TSHZ1: variants seen among roughly 807,000 people sequenced by gnomAD.
TSHZ1 encodes teashirt homolog 1.
Under a neutral mutation model 67.1 loss-of-function variants are expected in TSHZ1, and 12 were observed. The observed-to-expected ratio is 0.18, with a 90% CI of 0.11 to 0.29. The LOEUF is 0.29. Among genes scored for constraint, TSHZ1 ranks in the 10% least tolerant of loss-of-function variants. The probability of loss-of-function intolerance (pLI) is 1.00; values close to 1 mark genes in which losing one functional copy is unlikely to be tolerated. For synonymous variants in TSHZ1, 632 were observed against 622.4 expected, an observed-to-expected ratio of 1.02 and a Z score of -0.23; for missense variants, 1,305 against 1,413.9, an observed-to-expected ratio of 0.92 and a Z score of 1.23.
chr18:75,258,997 T>C (rs2122578362), intron 1 of TSHZ1, among the ~76,000 whole-genome samples: 1 of 152,318 alleles, frequency 6.6e-6, no homozygotes, highest in African/African-American at 2.4e-5. Flanking sequence ...AGGTCACTCA[T>C]CTTTTGCCCT....
intron 1 of TSHZ1, among the ~76,000 whole-genome samples, chr18:75,279,809 C>G (rs369212927): frequency 6.6e-6 from 1 of 152,238 alleles, no homozygotes; most frequent in Non-Finnish European, 1.5e-5. Flanking sequence ...ATTCTCCGTG[C>G]TCCCCAGTTC....
chr18:75,222,455 A>G (rs1412548567), intron 1 of TSHZ1, among the ~76,000 whole-genome samples: 1 of 152,092 alleles, frequency 6.6e-6, no homozygotes, highest in African/African-American at 2.4e-5. Context: ...ATGTTCACAA[A>G]AGATCGTTGT....
At chr18:75,212,477 CTGAT>C (rs1411600448) in intron 1 of TSHZ1, among the ~76,000 whole-genome samples, 4 of 152,036 alleles carry the variant, frequency 2.6e-5, no homozygotes, top group Admixed American at 6.5e-5. Context: ...AGTGCAGACT[CTGAT>C]TGAACAGAAA....
intron 1 of TSHZ1, chr18:75,244,520 TG>T (rs1282739503): frequency 6.6e-6 from 1 of 152,288 alleles, no homozygotes; most frequent in African/African-American, 2.4e-5. Flanking sequence ...CAGTGGCCCC[TG>T]TTGGCTGGTG....
At chr18:75,229,940 A>G (rs2122532495) in intron 1 of TSHZ1, among the ~76,000 whole-genome samples, 1 of 152,354 alleles carries the variant, frequency 6.6e-6, no homozygotes, top group South Asian at 2.1e-4. Context: ...TCTGTTCATC[A>G]TTATACATCT....
chr18:75,260,186 G>A (rs755628054), intron 1 of TSHZ1, among the ~76,000 whole-genome samples: 5 of 152,208 alleles, frequency 3.3e-5, no homozygotes, highest in Admixed American at 1.3e-4. Context: ...CTTAGCCTGC[G>A]GCTTCTCGTG....
At chr18:75,282,309 G>A (rs1037861487) in intron 1 of TSHZ1, among the ~76,000 whole-genome samples, 6 of 152,292 alleles carry the variant, frequency 3.9e-5, no homozygotes, top group Non-Finnish European at 8.8e-5. Context: ...GCCCTGAGAC[G>A]CAGCCCTGAC....
chr18:75,243,841 C>G (rs929469615), intron 1 of TSHZ1, among the ~76,000 whole-genome samples: 1 of 152,038 alleles, frequency 6.6e-6, no homozygotes, highest in African/African-American at 2.4e-5. Context: ...TGCCTTTCCT[C>G]AACATTATTA....
intron 1 of TSHZ1, among the ~76,000 whole-genome samples, chr18:75,223,414 GCCT>G (rs1346713311): frequency 6.6e-6 from 1 of 152,136 alleles, no homozygotes; most frequent in East Asian, 1.9e-4. Context: ...TCTGCAGGCA[GCCT>G]CCTCATTGAT....
intron 1 of TSHZ1, among the ~76,000 whole-genome samples, chr18:75,249,764 A>G (rs1275792299): frequency 9.1e-6 from 1 of 110,074 alleles, no homozygotes; most frequent in African/African-American, 3.6e-5. Flanking sequence ...AGGTGGGGGG[A>G]GGTTACTTCC....
intron 1 of TSHZ1, among the ~76,000 whole-genome samples, chr18:75,233,840 G>A (rs1043987785): frequency 6.6e-6 from 1 of 152,166 alleles, no homozygotes; most frequent in African/African-American, 2.4e-5. Context: ...CGCACGCCCG[G>A]CTTGCACACT....
intron 1 of TSHZ1, chr18:75,280,641 T>C: frequency 1.5e-6 from 1 of 677,400 alleles, no homozygotes; most frequent in Non-Finnish European, 1.8e-6. Flanking sequence ...TCGGTCAACT[T>C]CCCCAAGACT....
In TSHZ1 at chr18:75,287,226, G is replaced by A. The variant is rs1197309297; in HGVS notation, c.1819G>A (p.Gly607Ser). 6.2e-7 allele frequency: 1 copy of A among 1,613,902 alleles called. No homozygotes were observed. The highest frequency in any genetic ancestry group is 1.1e-5 in the South Asian group (1 of 91,062). Residue 607 changes from glycine (G) to serine (S), a missense_variant, in exon 2 of 2, where the codon GGC becomes AGC. By Grantham distance (56) the Gly-to-Ser change is moderately conservative. This residue lies in a region of TSHZ1 where 909 missense variants were observed against 961.8 expected (regional missense o/e 0.95). Coordinates refer to ENST00000580243, the MANE Select transcript of TSHZ1 (RefSeq NM_001308210.2). This position sits in a 1 kb window ranked among gnomAD's most constrained non-coding sequence, Gnocchi z 5.0. The stretch of plus-strand genomic sequence containing the variant: ...CGTGCAGGTGCAGCCGTCCTATGCT[G>A]GCGGCGTGAAGTCGCTGTCTTCCGC... ...QSVQVQPSYA[G>S]GVKSLSSAEH... is the part of the protein sequence containing the mutation.
Position 75,259,475 on chromosome 18 carries a change from C to T in TSHZ1, c.41-25973C>T, listed in dbSNP as rs943231492. On this transcript the variant is annotated intron_variant, in intron 1 of 1. Coordinates refer to ENST00000580243, the MANE Select transcript of TSHZ1 (RefSeq NM_001308210.2). ...ACGGTCCCTCCTAGGACACAAATCA[C>T]CCCTTTGCCCGGCATATCCAGACTG... Among the ~76,000 whole-genome samples, 6 of 152,136 alleles carry T rather than the reference C, an allele frequency of 3.9e-5. 1 individual carries two copies. Among genetic ancestry groups the T allele is most frequent in the Admixed American group, 3.9e-4 (6 of 15,280 alleles).
Position 75,288,451 on chromosome 18 carries a change from C to T in TSHZ1, c.3044C>T (p.Ser1015Leu), listed in dbSNP as rs535727349. The T allele has an allele frequency of 6.2e-6, 10 of 1,614,194 alleles. No homozygotes were observed. The highest frequency in any genetic ancestry group is 4.5e-5 in the East Asian group (2 of 44,876). ...LNQIQEQQNV[S>L]KVLTNKTLGP... Reference sequence around the variant, plus strand: ...CAGATTCAAGAACAGCAGAATGTTTCGAAAGTCCTCACCAACAAAACTCTG... The same window carrying T: ...CAGATTCAAGAACAGCAGAATGTTTTGAAAGTCCTCACCAACAAAACTCTG... Residue 1015 changes from serine to leucine, a missense_variant, in exon 2 of 2, where the codon TCG becomes TTG. Physicochemically the swap from Ser to Leu is moderately radical, Grantham distance 145 (BLOSUM62 -2). This residue lies in a region of TSHZ1 where 909 missense variants were observed against 961.8 expected (regional missense o/e 0.95). Coordinates refer to ENST00000580243, the MANE Select transcript of TSHZ1 (RefSeq NM_001308210.2). This position sits in a 1 kb window ranked among gnomAD's most constrained non-coding sequence, Gnocchi z 4.9.
chr18:75,233,684 G>A (rs2023028562), intron 1 of TSHZ1, among the ~76,000 whole-genome samples: 1 of 152,210 alleles, frequency 6.6e-6, no homozygotes, highest in Admixed American at 6.5e-5. Context: ...GAAACTACCT[G>A]TTTGCTGGTC....
At chr18:75,277,914 C>T (rs957730787) in intron 1 of TSHZ1, among the ~76,000 whole-genome samples, 3 of 152,150 alleles carry the variant, frequency 2.0e-5, no homozygotes, top group Non-Finnish European at 2.9e-5. Flanking sequence ...AGTGGGGAAA[C>T]CGAGGTCCCA....
rs1461765254 is a variant in TSHZ1 at position 75,281,535 on chromosome 18, G to T, written c.41-3913G>T. Among the ~76,000 whole-genome samples, 1 of 152,146 alleles carries T rather than the reference G, an allele frequency of 6.6e-6. No individual in the cohort carries two copies. Among genetic ancestry groups the T allele is most frequent in the African/African-American group, 2.4e-5 (1 of 41,424 alleles). The stretch of plus-strand genomic sequence containing the variant: ...AAGCACCATGGGGGTGGCATGACAG[G>T]CGTCCTCCCTGATGGGCCTGTGTCT... On this transcript the variant is annotated intron_variant, in intron 1 of 1. Transcript: ENST00000580243. This position sits in a 1 kb window ranked among gnomAD's most constrained non-coding sequence, Gnocchi z 5.3.
chr18:75,234,727 C>T (rs1394470322), intron 1 of TSHZ1, among the ~76,000 whole-genome samples: 1 of 152,074 alleles, frequency 6.6e-6, no homozygotes, highest in East Asian at 1.9e-4. Flanking sequence ...ATTAACTTTC[C>T]TGTTAAATAT....
Sources: allele counts gnomAD v4.1 joint callset (sites outside exome capture counted in the v4.1 genomes callset), GRCh38; gene constraint gnomAD v4.1.1; regional missense constraint gnomAD v4.1.1; non-coding constraint Gnocchi (gnomAD v3.1); transcripts MANE v1.5; gene names NCBI Gene and HGNC (gene_info 2026-07-23, HGNC 2026-07-21).